The following SLC7A8 variants were observed in gnomAD, a reference collection of about 807,000 sequenced individuals.
The protein encoded by SLC7A8 is large neutral amino acids transporter small subunit 2.
In SLC7A8, 30 loss-of-function variants were observed where a neutral mutation model predicts 51.2. The observed-to-expected ratio is 0.59, with a 90% confidence interval of 0.44 to 0.80. The LOEUF (loss-of-function observed/expected upper bound fraction) is 0.80. Among genes scored for constraint, SLC7A8 ranks in the 30% least tolerant of loss-of-function variants. SLC7A8 has a pLI of 0.00. For synonymous variants in SLC7A8, 257 were observed against 275.8 expected, an observed-to-expected ratio of 0.93 and a Z score of 0.67; for missense variants, 612 against 674.4, an observed-to-expected ratio of 0.91 and a Z score of 1.03.
chr14:23,138,514 A>G (rs1053512315), intron 6 of SLC7A8, among the ~76,000 whole-genome samples: 3 of 119,088 alleles, frequency 2.5e-5, no homozygotes, highest in African/African-American at 9.0e-5. Context: ...AGCAAAGTTT[A>G]TGATTTTTGA....
rs1018075674 is a variant in SLC7A8, at chr14:23,129,666, A to G, written c.1247T>C (p.Ile416Thr). The G allele has an allele frequency of 6.2e-7, 1 of 1,613,932 alleles. No homozygotes were observed. ...QIVLRWKKPD[I>T]PRPIKINLLF... ...TTCTCTCACCTTGATGGGGCGGGGG[A>G]TATCAGGCTTCTTCCAGCGAAGGAC... The change falls in exon 9 of 11, where the codon ATC becomes ACC. Residue 416 changes from isoleucine (I) to threonine (T), a missense_variant. Transcript: ENST00000316902.
intron 3 of SLC7A8, among the ~76,000 whole-genome samples, chr14:23,151,175 G>A (rs1199649645): frequency 6.6e-6 from 1 of 152,158 alleles, no homozygotes; most frequent in African/African-American, 2.4e-5. Context: ...AGCCAGCGGT[G>A]CACACGCAGC....
intron 8 of SLC7A8, 38 bp from the exon 9 acceptor site, chr14:23,129,837 A>G (rs779423384): frequency 3.1e-6 from 5 of 1,610,376 alleles, no homozygotes; most frequent in Non-Finnish European, 4.2e-6. Flanking sequence ...GATCCGAAAG[A>G]TATTCAGAGA....
intron 3 of SLC7A8, among the ~76,000 whole-genome samples, chr14:23,161,891 C>T (rs994018490): frequency 8.3e-5 from 12 of 144,804 alleles, no homozygotes; most frequent in African/African-American, 3.1e-4. Flanking sequence ...GGCGCCACTA[C>T]ACTCCAGCCT....
chr14:23,129,780 A>T lies in SLC7A8; in HGVS notation c.1133T>A (p.Met378Lys). 1 of 1,614,204 alleles carries T rather than the reference A, an allele frequency of 6.2e-7. No homozygotes were observed. The highest frequency in any genetic ancestry group is 8.5e-7 in the Non-Finnish European group (1 of 1,180,024). Residue 378 changes from methionine to lysine, a missense_variant, in exon 9 of 11, where the codon ATG becomes AAG. Transcript: ENST00000316902. ...TGTGTACATGTCGCTGGTGACCAGC[A>T]TCAGCAGGGTGGAGATGCACTGGGA... Reference protein sequence around the residue: ...LLFTCISTLLMLVTSDMYTLI... With the variant: ...LLFTCISTLLKLVTSDMYTLI...
In SLC7A8 at chr14:23,139,492, A is replaced by T; in HGVS notation, c.844T>A (p.Phe282Ile). Residue 282 changes from phenylalanine to isoleucine, a missense_variant, in exon 6 of 11, where the codon TTT becomes ATT. Transcript: ENST00000316902. Reference sequence around the variant, plus strand: ...GCAGTGACATAAGCGACATTGGCAAAGACATACACAAATGTGACCAGTGGG... The same window carrying T: ...GCAGTGACATAAGCGACATTGGCAATGACATACACAAATGTGACCAGTGGG... ...SIPLVTFVYV[F>I]ANVAYVTAMS... is the part of the protein sequence containing the mutation. 1.2e-6 allele frequency: 2 copies of T among 1,614,192 alleles called. No homozygotes were observed. Among genetic ancestry groups the T allele is most frequent in the Non-Finnish European group, 1.7e-6 (2 of 1,180,004 alleles).
intron 9 of SLC7A8, 118 bp downstream of exon 9, chr14:23,129,532 C>T: frequency 8.2e-7 from 1 of 1,224,880 alleles, no homozygotes; most frequent in South Asian, 1.5e-5. Context: ...AAAGGGTCTG[C>T]TACCATCAGA....
chr14:23,154,354 T>C, intron 3 of SLC7A8: 1 of 999,928 alleles, frequency 1.0e-6, no homozygotes, highest in Middle Eastern at 5.2e-4. Flanking sequence ...GGGTGAGGCA[T>C]GTCCCTCCCA....
chr14:23,138,385 G>A (rs1566359515), intron 6 of SLC7A8, among the ~76,000 whole-genome samples: 1 of 152,168 alleles, frequency 6.6e-6, no homozygotes, highest in Non-Finnish European at 1.5e-5. Flanking sequence ...TGTGATCCAG[G>A]CCTTACATAC....
At chr14:23,129,550 A>G in intron 9 of SLC7A8, 100 bp downstream of exon 9, 5 of 1,354,224 alleles carry the variant, frequency 3.7e-6, no homozygotes, top group Non-Finnish European at 3.1e-6. Flanking sequence ...AGAGATGATG[A>G]CGTGTGGTCA....
chr14:23,129,091 CAG>C (rs2048607658), intron 9 of SLC7A8, among the ~76,000 whole-genome samples: 1 of 152,190 alleles, frequency 6.6e-6, no homozygotes, highest in Admixed American at 6.5e-5. Flanking sequence ...ATTCCTATCA[CAG>C]AGTTATATCT....
At chr14:23,135,778 G>A (rs1030382630) in intron 7 of SLC7A8, among the ~76,000 whole-genome samples, 2 of 151,732 alleles carry the variant, frequency 1.3e-5, no homozygotes, top group African/African-American at 4.8e-5. Context: ...AAGGAGATGG[G>A]ATATCTCAAT....
intron 7 of SLC7A8, among the ~76,000 whole-genome samples, chr14:23,135,618 C>T (rs1490938583): frequency 1.6e-4 from 24 of 151,792 alleles, no homozygotes; most frequent in Non-Finnish European, 1.5e-5. Flanking sequence ...AGGAGAATGG[C>T]GTGAACCCGG....
In SLC7A8 at chr14:23,126,963, GC is replaced by G. The variant is rs1264113503; in HGVS notation, c.*213del. The G allele has an allele frequency of 1.6e-6, 1 of 610,920 alleles. No individual in the cohort carries two copies. Among genetic ancestry groups the G allele is most frequent in the Non-Finnish European group, 2.9e-6 (1 of 349,406 alleles). The allele number at this position is 610,920 out of a possible 1,614,324, so 37.8% of individuals were successfully genotyped here. ...GGAGTGTGGGCAGCACTGGAGTGGG[GC>G]CTGGGACATGGACCCTGGGGTGAGA... On this transcript the variant is annotated 3_prime_UTR_variant, in exon 11 of 11. Transcript: ENST00000316902.
chr14:23,144,680 G>A (rs1227708888), intron 3 of SLC7A8, among the ~76,000 whole-genome samples: 1 of 152,042 alleles, frequency 6.6e-6, no homozygotes, highest in African/African-American at 2.4e-5. Context: ...GACATTAACC[G>A]TCTGTAACCT....
chr14:23,157,321 A>G (rs1450409117), intron 3 of SLC7A8, among the ~76,000 whole-genome samples: 2 of 152,202 alleles, frequency 1.3e-5, no homozygotes, highest in South Asian at 2.1e-4. Flanking sequence ...CAAGATGCAC[A>G]TGATAGTCAT....
chr14:23,135,329 T>C (rs1253025140), intron 7 of SLC7A8, among the ~76,000 whole-genome samples: 1 of 150,308 alleles, frequency 6.7e-6, no homozygotes, highest in East Asian at 2.0e-4. Flanking sequence ...GACCTTGTGA[T>C]CCGCCCGCCT....
intron 1 of SLC7A8, among the ~76,000 whole-genome samples, chr14:23,169,654 G>A (rs1289912892): frequency 3.3e-5 from 5 of 152,072 alleles, no homozygotes; most frequent in Admixed American, 6.6e-5. Flanking sequence ...TGATCCACCC[G>A]CCTCGACCTC....
intron 9 of SLC7A8, chr14:23,129,411 T>C: frequency 2.1e-6 from 1 of 485,830 alleles, no homozygotes; most frequent in South Asian, 3.0e-5. Flanking sequence ...AGGAATGTCA[T>C]GATGAAAGTC....
Sources: allele counts gnomAD v4.1 joint callset (sites outside exome capture counted in the v4.1 genomes callset), GRCh38; gene constraint gnomAD v4.1.1; transcripts MANE v1.5; gene names NCBI Gene and HGNC (gene_info 2026-07-23, HGNC 2026-07-21).